The following ADGRD1 variants were observed in gnomAD, a reference collection of about 807,000 sequenced individuals.
ADGRD1 encodes the protein G-protein coupled receptor 133.
ADGRD1 carries 77 observed loss-of-function variants against 113.4 expected under a neutral mutation model. That is an observed-to-expected ratio of 0.68 (90% CI 0.57 to 0.82). The LOEUF is 0.82. Ranked by LOEUF, ADGRD1 falls within the 40% of genes least tolerant of loss-of-function variation. The probability of loss-of-function intolerance (pLI) is 0.00; values close to 1 mark genes in which losing one functional copy is unlikely to be tolerated. For missense variants in ADGRD1, 1,036 were observed against 1,139.1 expected, an observed-to-expected ratio of 0.91 and a Z score of 1.30; for synonymous variants, 474 against 475.0, an observed-to-expected ratio of 1.00 and a Z score of 0.03.
At position 131,021,812 on chromosome 12, in the gene ADGRD1, T is replaced by C. The variant is rs141776983; in HGVS notation, c.1473+7472T>C. ...AGCCCTGATCGCCGGGCTCAAACCA[T>C]CCTCCTGCGTCAGCCTCCTGAGAAT... On this transcript the variant is annotated intron_variant, in intron 13 of 24. Transcript: ENST00000261654. 2.4e-3 allele frequency among the ~76,000 whole-genome samples: 365 copies of C among 152,160 alleles called. 4 individuals are homozygous for C. The highest frequency in any genetic ancestry group is 8.4e-3 in the African/African-American group (348 of 41,514).
At chr12:131,026,378 CT>C (rs1879953305) in intron 13 of ADGRD1, 1 of 152,026 alleles carries the variant, frequency 6.6e-6, no homozygotes, top group Admixed American at 6.6e-5. Context: ...GACGTCAGCC[CT>C]TTGCCACTGA....
intron 13 of ADGRD1, among the ~76,000 whole-genome samples, chr12:131,054,963 G>A (rs567600014): frequency 5.9e-5 from 9 of 152,294 alleles, no homozygotes; most frequent in African/African-American, 1.9e-4. Flanking sequence ...CGGTGAGTCC[G>A]GTCTTGTTAC....
intron 6 of ADGRD1, 193 bp from the exon 7 acceptor site, chr12:130,990,821 G>A (rs984756577): frequency 5.9e-6 from 3 of 508,226 alleles, no homozygotes; most frequent in Middle Eastern, 3.2e-4. Context: ...TGTGACCTGG[G>A]AAAATCTATA....
chr12:131,128,198 G>A (rs1165953808), intron 20 of ADGRD1, among the ~76,000 whole-genome samples: 2 of 147,956 alleles, frequency 1.4e-5, no homozygotes, highest in African/African-American at 5.0e-5. Flanking sequence ...ATGGGATTCT[G>A]AGCTCAGGTG....
Position 131,027,350 on chromosome 12 carries a change from C to T in ADGRD1, c.1473+13010C>T, listed in dbSNP as rs1048274453. 1.3e-5 allele frequency: 2 copies of T among 152,086 alleles called. No homozygotes were observed. The highest frequency in any genetic ancestry group is 2.9e-5 in the Non-Finnish European group (2 of 68,030). 9.4% of individuals were successfully genotyped at this position (152,086 alleles called of 1,614,324 possible). On this transcript the variant is annotated intron_variant, in intron 13 of 24. Transcript: ENST00000261654. The surrounding 1 kb of genome is among the most constrained non-coding windows in gnomAD (Gnocchi z 5.1). ...TTTATATAAATGGGGTTCTGCTATC[C>T]GTGCCGTTTCGCAGCTTCAGTTTTT...
chr12:130,958,342 G>A (rs1397885993), intron 2 of ADGRD1, among the ~76,000 whole-genome samples: 1 of 152,048 alleles, frequency 6.6e-6, no homozygotes, highest in Admixed American at 6.6e-5. Flanking sequence ...TGGGACTACA[G>A]GCGCCCGTGA....
rs1176926722 is a variant in ADGRD1 at position 131,045,815 on chromosome 12, G to A, written c.1474-30986G>A. ...GGAGCTGCCCTGCGGTCCTCAGGGC[G>A]GGCACAGGCTGAGATGTGACCAAGG... is the stretch of plus-strand genomic sequence containing the variant. On this transcript the variant is annotated intron_variant, in intron 13 of 24. Coordinates refer to ENST00000261654, the MANE Select transcript of ADGRD1 (RefSeq NM_198827.5). Among the ~76,000 whole-genome samples, 6 of 152,248 alleles carry A rather than the reference G, an allele frequency of 3.9e-5. No individual in the cohort carries two copies. The South Asian group carries it at 8.3e-4, about 21-fold the overall frequency.
rs1880109074 is a variant in ADGRD1, at chr12:131,027,555, C to G, written c.1473+13215C>G. 1 of 152,180 alleles carries G rather than the reference C, an allele frequency of 6.6e-6. No individual in the cohort carries two copies. Among genetic ancestry groups the G allele is most frequent in the Non-Finnish European group, 1.5e-5 (1 of 68,032 alleles). The allele number at this position is 152,180 out of a possible 1,614,324, so 9.4% of individuals were successfully genotyped here. ...GGGTTATCTCTGTAGGATGAATTCT[C>G]AGAGGTAGAATTGCTCTGTTAAATG... On this transcript the variant is annotated intron_variant, in intron 13 of 24. Coordinates refer to ENST00000261654, the MANE Select transcript of ADGRD1 (RefSeq NM_198827.5). The surrounding 1 kb of genome is among the most constrained non-coding windows in gnomAD (Gnocchi z 5.1).
intron 19 of ADGRD1, among the ~76,000 whole-genome samples, chr12:131,120,020 G>A (rs1950555198): frequency 6.6e-6 from 1 of 152,286 alleles, no homozygotes; most frequent in African/African-American, 2.4e-5. Flanking sequence ...GCCCACCTCA[G>A]GGGCAGCATA....
intron 14 of ADGRD1, among the ~76,000 whole-genome samples, chr12:131,082,052 C>T (rs1035607346): frequency 1.6e-4 from 25 of 151,990 alleles, no homozygotes; most frequent in African/African-American, 3.6e-4. Flanking sequence ...GTAATAACCA[C>T]GGTGGGAGGG....
rs75688681 is a variant in ADGRD1, at chr12:131,128,232, A to C, written c.2176-3493A>C. ...TGGGGTGTTGGTTGGGTTGGTTGTG[A>C]TGGGACCCTGAGCTCAGGTGGGGTG... is the stretch of plus-strand genomic sequence containing the variant. On this transcript the variant is annotated intron_variant, in intron 20 of 24. Coordinates refer to ENST00000261654, the MANE Select transcript of ADGRD1 (RefSeq NM_198827.5). Among the ~76,000 whole-genome samples the C allele has an allele frequency of 7.9e-3, 1,157 of 147,010 alleles. 4 individuals are homozygous for C. The highest frequency in any genetic ancestry group is 0.018 in the Middle Eastern group (5 of 278).
intron 18 of ADGRD1, among the ~76,000 whole-genome samples, chr12:131,109,882 C>G (rs2137356047): frequency 6.6e-6 from 1 of 152,236 alleles, no homozygotes; most frequent in East Asian, 1.9e-4. Context: ...ATGTTGTTTC[C>G]TGTTGCTTGG....
chr12:131,001,197 GA>G (rs1821990479), intron 9 of ADGRD1, among the ~76,000 whole-genome samples: 1 of 152,128 alleles, frequency 6.6e-6, no homozygotes, highest in Non-Finnish European at 1.5e-5. Context: ...TGTACTTCAT[GA>G]TTAAGGTGCA....
In ADGRD1 at chr12:130,991,075, C is replaced by T. The variant is rs750082986; in HGVS notation, c.807C>T (p.Pro269=). Residue 269 remains proline (P), a synonymous_variant, in exon 7 of 25, where the codon CCC becomes CCT. Transcript: ENST00000261654. ...TCTTCATGACATCCACAGCAAGCCCCGTGGTGAGCAGACACATCTTCCTTG... is the reference window on the plus strand; with the variant it reads ...TCTTCATGACATCCACAGCAAGCCCTGTGGTGAGCAGACACATCTTCCTTG... ...PSLFMTSTAS[P]VMPTDAYHPI... is the part of the protein sequence containing the mutation. The T allele has an allele frequency of 6.8e-6, 11 of 1,613,424 alleles. No individual in the cohort carries two copies. Among genetic ancestry groups the T allele is most frequent in the Non-Finnish European group, 7.6e-6 (9 of 1,179,402 alleles).
chr12:131,085,966 T>A (rs1340737866), intron 15 of ADGRD1, among the ~76,000 whole-genome samples: 1 of 152,184 alleles, frequency 6.6e-6, no homozygotes, highest in Non-Finnish European at 1.5e-5. Flanking sequence ...TCTAGGGCTC[T>A]TCAGGGTGGC....
At chr12:130,995,994 G>A (rs918930400) in intron 8 of ADGRD1, among the ~76,000 whole-genome samples, 1 of 151,932 alleles carries the variant, frequency 6.6e-6, no homozygotes, top group Non-Finnish European at 1.5e-5. Context: ...CGAGCATGCT[G>A]CCTTCAAGCA....
intron 4 of ADGRD1, among the ~76,000 whole-genome samples, chr12:130,974,503 A>G (rs1872075176): frequency 6.6e-6 from 1 of 152,186 alleles, no homozygotes; most frequent in Admixed American, 6.5e-5. Flanking sequence ...AGAACGTGGG[A>G]AGCATTGAAT....
At chr12:130,974,397 G>C (rs754169646) in intron 4 of ADGRD1, among the ~76,000 whole-genome samples, 5 of 152,166 alleles carry the variant, frequency 3.3e-5, no homozygotes, top group Non-Finnish European at 5.9e-5. Context: ...ACTTCAGTGA[G>C]CATTGAGCTT....
chr12:130,994,459 G>A (rs560837469), intron 8 of ADGRD1, among the ~76,000 whole-genome samples: 1 of 152,300 alleles, frequency 6.6e-6, no homozygotes, highest in South Asian at 2.1e-4. Context: ...CTCCCCTCTA[G>A]CCGTGGTACA....
Sources: gnomAD v4.1 joint callset for allele counts (sites outside exome capture counted in the v4.1 genomes callset) on GRCh38, gnomAD v4.1.1 for gene constraint, Gnocchi (gnomAD v3.1) non-coding constraint, MANE v1.5 for transcripts, NCBI Gene and HGNC (gene_info 2026-07-23, HGNC 2026-07-21) for gene names.